HIBADH: variants seen among roughly 807,000 people sequenced by gnomAD.
The protein encoded by HIBADH is 3-hydroxyisobutyrate dehydrogenase, mitochondrial.
In HIBADH, 25 loss-of-function variants were observed where a neutral mutation model predicts 36.1. The observed-to-expected ratio is 0.69, with a 90% CI of 0.50 to 0.97. HIBADH has a LOEUF of 0.97. Ranked by LOEUF, HIBADH falls within the 50% of genes least tolerant of loss-of-function variation. HIBADH has a pLI of 0.00. For missense variants in HIBADH, 421 were observed against 418.0 expected (o/e 1.01, Z -0.06); for synonymous variants, 160 against 149.5 (o/e 1.07, Z -0.51).
At chr7:27,561,383 A>C (rs60326970) in intron 4 of HIBADH, among the ~76,000 whole-genome samples, 16,972 of 152,152 alleles carry the variant, frequency 0.11, 1,094 homozygotes, top group Middle Eastern at 0.14. Flanking sequence ...ACTAAAAAAA[A>C]TAAATTCTTT....
intron 4 of HIBADH, among the ~76,000 whole-genome samples, chr7:27,592,441 A>G (rs1035385474): frequency 2.0e-5 from 3 of 152,234 alleles, no homozygotes; most frequent in South Asian, 2.1e-4. Context: ...GATGAGAAGA[A>G]ATAGCAGGAT....
intron 4 of HIBADH, among the ~76,000 whole-genome samples, chr7:27,580,741 A>T (rs952809942): frequency 1.3e-4 from 20 of 152,194 alleles, no homozygotes; most frequent in African/African-American, 4.8e-4. Context: ...CAAGAGAACA[A>T]ATCTTTGGTC....
intron 4 of HIBADH, among the ~76,000 whole-genome samples, chr7:27,625,862 G>T (rs1221057630): frequency 6.6e-6 from 1 of 152,070 alleles, no homozygotes; most frequent in Non-Finnish European, 1.5e-5. Flanking sequence ...AGCACTTTGG[G>T]AGGCTAAGGA....
intron 4 of HIBADH, among the ~76,000 whole-genome samples, chr7:27,595,120 C>T (rs1266488072): frequency 6.6e-6 from 1 of 152,162 alleles, no homozygotes; most frequent in Non-Finnish European, 1.5e-5. Context: ...TAATTCCAAG[C>T]TTCTGTATTT....
At chr7:27,608,564 GC>G in intron 4 of HIBADH, among the ~76,000 whole-genome samples, 1 of 152,142 alleles carries the variant, frequency 6.6e-6, no homozygotes, top group East Asian at 1.9e-4. Context: ...TGGTAGCAAG[GC>G]CCTTGTCAAA....
At chr7:27,581,050 T>C (rs115501810) in intron 4 of HIBADH, among the ~76,000 whole-genome samples, 140 of 152,254 alleles carry the variant, frequency 9.2e-4, no homozygotes, top group African/African-American at 3.0e-3. Flanking sequence ...TGCGTGAGGA[T>C]ACCAGAGGCA....
chr7:27,629,503 A>G lies in HIBADH; in HGVS notation c.363-11T>C, dbSNP rs1457637667. 1 of 1,536,590 alleles carries G rather than the reference A, an allele frequency of 6.5e-7. No homozygotes were observed. The highest frequency in any genetic ancestry group is 1.3e-5 in the South Asian group (1 of 77,526). On this transcript the variant is annotated splice_polypyrimidine_tract_variant and intron_variant, in intron 3 of 7. Transcript: ENST00000265395. ...CCCTTCTTCACTTTTCTAAGTAAAT[A>G]AATAAAAATATTTGTAGTTTACAAC...
chr7:27,615,012 A>C (rs1285774515), intron 4 of HIBADH, among the ~76,000 whole-genome samples: 1 of 152,212 alleles, frequency 6.6e-6, no homozygotes, highest in Non-Finnish European at 1.5e-5. Flanking sequence ...TCTAAAACAG[A>C]AATGTTAAGC....
intron 4 of HIBADH, among the ~76,000 whole-genome samples, chr7:27,629,159 T>A (rs186758857): frequency 7.2e-5 from 11 of 152,066 alleles, no homozygotes; most frequent in Admixed American, 5.9e-4. Flanking sequence ...CACTTCAAAG[T>A]TATGACACTT....
intron 6 of HIBADH, among the ~76,000 whole-genome samples, chr7:27,532,693 T>C (rs1282673490): frequency 1.3e-5 from 2 of 152,212 alleles, no homozygotes; most frequent in East Asian, 3.8e-4. Context: ...TTGTAACAGA[T>C]ACAGAAATTC....
intron 4 of HIBADH, among the ~76,000 whole-genome samples, chr7:27,573,093 C>G (rs986554768): frequency 6.6e-6 from 1 of 152,072 alleles, no homozygotes; most frequent in Non-Finnish European, 1.5e-5. Flanking sequence ...CAAAAGCAAA[C>G]GCATAAAGGC....
intron 4 of HIBADH, among the ~76,000 whole-genome samples, chr7:27,559,876 TGA>T (rs1256676016): frequency 6.6e-6 from 1 of 152,252 alleles, no homozygotes; most frequent in South Asian, 2.1e-4. Flanking sequence ...TGTCAAATGC[TGA>T]GAGAACTATT....
intron 1 of HIBADH, among the ~76,000 whole-genome samples, chr7:27,658,165 G>C (rs953090190): frequency 6.6e-6 from 1 of 151,828 alleles, no homozygotes; most frequent in African/African-American, 2.4e-5. Context: ...TGCACCCAAA[G>C]GGGCAGAAAT....
intron 4 of HIBADH, among the ~76,000 whole-genome samples, chr7:27,548,095 G>C (rs897742585): frequency 6.6e-6 from 1 of 151,294 alleles, no homozygotes; most frequent in Non-Finnish European, 1.5e-5. Context: ...ATAGACATCT[G>C]TCACTTCTCG....
At chr7:27,647,642 T>C in intron 2 of HIBADH, 1 of 334,734 alleles carries the variant, frequency 3.0e-6, no homozygotes, top group African/African-American at 2.2e-5. Flanking sequence ...GGATAAGCCT[T>C]ATTCTTAAGG....
rs569183253 is a variant in HIBADH, at chr7:27,618,547, G to A, written c.484+10824C>T. 3.6e-4 allele frequency among the ~76,000 whole-genome samples: 55 copies of A among 152,304 alleles called. 1 individual carries two copies. Among genetic ancestry groups the A allele is most frequent in the African/African-American group, 1.3e-3 (54 of 41,558 alleles). On this transcript the variant is annotated intron_variant, in intron 4 of 7. Coordinates refer to ENST00000265395, the MANE Select transcript of HIBADH (RefSeq NM_152740.4). ...ACATAAGAACCTGCTCACCTACCCA[G>A]CCCCCGCTGCCACTACTGGCATTGG...
intron 4 of HIBADH, among the ~76,000 whole-genome samples, chr7:27,581,483 T>G (rs552875004): frequency 6.6e-6 from 1 of 152,186 alleles, no homozygotes; most frequent in African/African-American, 2.4e-5. Context: ...TTCCTAAAAT[T>G]TGAAATTCCC....
At chr7:27,659,395 C>A (rs1404876824) in intron 1 of HIBADH, among the ~76,000 whole-genome samples, 1 of 152,122 alleles carries the variant, frequency 6.6e-6, no homozygotes, top group Non-Finnish European at 1.5e-5. Context: ...TCTCATTCTT[C>A]TATTTCCTTT....
intron 2 of HIBADH, among the ~76,000 whole-genome samples, chr7:27,642,484 A>G (rs1785976446): frequency 6.6e-6 from 1 of 152,150 alleles, no homozygotes; most frequent in African/African-American, 2.4e-5. Context: ...TAGGTAAACT[A>G]CTAGACATTT....
Sources: gnomAD v4.1 joint callset for allele counts (sites outside exome capture counted in the v4.1 genomes callset) on GRCh38, gnomAD v4.1.1 for gene constraint, MANE v1.5 for transcripts, NCBI Gene and HGNC (gene_info 2026-07-23, HGNC 2026-07-21) for gene names.